SNX29: variants seen among roughly 807,000 people sequenced by gnomAD.
The protein encoded by SNX29 is sorting nexin 29, also known as sorting nexin-29.
In SNX29, 78 loss-of-function variants were observed where a neutral mutation model predicts 102.1. The observed-to-expected ratio is 0.76, with a 90% CI of 0.64 to 0.92. The LOEUF is 0.92. SNX29 is among the 40% of genes least tolerant of loss of function. The pLI, the probability that SNX29 is intolerant of heterozygous loss-of-function variation, is 0.00. For synonymous variants in SNX29, 580 were observed against 414.5 expected (o/e 1.40, Z -4.85); for missense variants, 1,280 against 1,061.7 (o/e 1.21, Z -2.86).
Position 12,516,100 on chromosome 16 carries a change from C to G in SNX29, c.2179-8602C>G, listed in dbSNP as rs140869850. Among the ~76,000 whole-genome samples, 231 of 152,256 alleles carry G rather than the reference C, an allele frequency of 1.5e-3. 1 individual carries two copies. Among genetic ancestry groups the G allele is most frequent in the African/African-American group, 5.2e-3 (216 of 41,542 alleles). ...ATTAACCATAAGTCAGCCGATGGCT[C>G]TCGTCTAATTGCAAGGCATGCTGGG... On this transcript the variant is annotated intron_variant, in intron 19 of 20. Coordinates refer to ENST00000566228, the MANE Select transcript of SNX29 (RefSeq NM_032167.5).
intron 20 of SNX29, among the ~76,000 whole-genome samples, chr16:12,539,519 G>C (rs2141237265): frequency 6.6e-6 from 1 of 152,288 alleles, no homozygotes; most frequent in East Asian, 1.9e-4. Context: ...TCCAGTTGTT[G>C]GCAATTTTGA....
chr16:12,542,625 C>A (rs569220390), intron 20 of SNX29, among the ~76,000 whole-genome samples: 1 of 152,354 alleles, frequency 6.6e-6, no homozygotes, highest in Admixed American at 6.5e-5. Context: ...AGCCACGGCA[C>A]CCAGTGTGGG....
intron 15 of SNX29, among the ~76,000 whole-genome samples, chr16:12,341,215 A>G (rs1349109165): frequency 1.3e-5 from 2 of 152,198 alleles, no homozygotes; most frequent in Non-Finnish European, 2.9e-5. Flanking sequence ...GACAGAATAC[A>G]AGTCTTGTGA....
intron 14 of SNX29, among the ~76,000 whole-genome samples, chr16:12,252,313 CT>C (rs1309103914): frequency 6.6e-6 from 1 of 152,062 alleles, no homozygotes; most frequent in East Asian, 1.9e-4. Context: ...AGCTGGAAAG[CT>C]GGAGTTGCCA....
At chr16:12,196,347 A>G (rs572326870) in intron 13 of SNX29, among the ~76,000 whole-genome samples, 65 of 152,164 alleles carry the variant, frequency 4.3e-4, no homozygotes, top group Non-Finnish European at 8.4e-4. Context: ...TGTAGATAAA[A>G]TGTGAGCATG....
At chr16:12,271,488 G>A (rs2079090916) in intron 14 of SNX29, among the ~76,000 whole-genome samples, 1 of 152,198 alleles carries the variant, frequency 6.6e-6, no homozygotes. Flanking sequence ...TTTATTGGAG[G>A]TGAGTCAATA....
At chr16:12,287,770 C>A (rs1001556220) in intron 15 of SNX29, among the ~76,000 whole-genome samples, 2 of 152,170 alleles carry the variant, frequency 1.3e-5, no homozygotes, top group East Asian at 3.9e-4. Context: ...GGTGATGGAT[C>A]TCTTCAGTGT....
rs112078284 is a variant in SNX29 at position 12,199,574 on chromosome 16, A to AT, written c.1596-20dup. On this transcript the variant is annotated intron_variant, in intron 13 of 20. Transcript: ENST00000566228. ...CCACATTGTCACTTTTTAAATATATATTTTTTTAACATTCTTGTACCTGCA... is the reference window on the plus strand; with the variant it reads ...CCACATTGTCACTTTTTAAATATATATTTTTTTTAACATTCTTGTACCTGCA... The AT allele has an allele frequency of 7.6e-3, 11,999 of 1,582,672 alleles. 712 individuals carry two copies. The African/African-American group carries it at 0.14, about 18-fold the overall frequency.
At chr16:12,407,597 A>G (rs2084217935) in intron 18 of SNX29, among the ~76,000 whole-genome samples, 1 of 152,202 alleles carries the variant, frequency 6.6e-6, no homozygotes, top group East Asian at 1.9e-4. Context: ...AATAATTAGT[A>G]GCCACCTCTC....
At chr16:12,183,895 C>T (rs990131732) in intron 13 of SNX29, among the ~76,000 whole-genome samples, 1 of 152,198 alleles carries the variant, frequency 6.6e-6, no homozygotes, top group African/African-American at 2.4e-5. Flanking sequence ...CCACTAGTGC[C>T]ATGACAGTTT....
chr16:11,976,862 C>G, intron 1 of SNX29, 49 bp downstream of exon 1: 3 of 1,329,504 alleles, frequency 2.3e-6, no homozygotes, highest in Non-Finnish European at 2.9e-6. Context: ...CCCCGGCTCC[C>G]GCCGCTCCAG....
intron 14 of SNX29, among the ~76,000 whole-genome samples, chr16:12,238,357 A>G (rs1288672374): frequency 6.9e-6 from 1 of 145,700 alleles, no homozygotes; most frequent in Non-Finnish European, 1.5e-5. Context: ...GCTGGAGTGT[A>G]CTCTGGGAGG....
chr16:12,394,463 G>C (rs1259496263), intron 16 of SNX29, among the ~76,000 whole-genome samples: 2 of 152,200 alleles, frequency 1.3e-5, no homozygotes, highest in Non-Finnish European at 2.9e-5. Flanking sequence ...GTCTCTGTAT[G>C]TGAAACCACC....
chr16:12,507,097 G>A lies in SNX29; in HGVS notation c.2179-17605G>A, dbSNP rs866431281. 1.3e-5 allele frequency among the ~76,000 whole-genome samples: 2 copies of A among 152,210 alleles called. 1 individual carries two copies. Among genetic ancestry groups the A allele is most frequent in the African/African-American group, 4.8e-5 (2 of 41,450 alleles). ...AAGGTGAGCTAAGTGCTCACTTTGT[G>A]TTGGGCACTGCAACTATTGTTATCA... On this transcript the variant is annotated intron_variant, in intron 19 of 20. Coordinates refer to ENST00000566228, the MANE Select transcript of SNX29 (RefSeq NM_032167.5).
intron 20 of SNX29, among the ~76,000 whole-genome samples, chr16:12,537,181 C>T (rs1400854305): frequency 6.6e-6 from 1 of 152,146 alleles, no homozygotes; most frequent in Non-Finnish European, 1.5e-5. Context: ...AGATGCCATC[C>T]CCCTGGCCAG....
chr16:12,542,878 G>C (rs1248459036), intron 20 of SNX29, among the ~76,000 whole-genome samples: 2 of 152,004 alleles, frequency 1.3e-5, no homozygotes, highest in African/African-American at 2.4e-5. Context: ...TGAGTCTCTA[G>C]AGGTCCCAGA....
rs767745960 is a variant in SNX29 at position 12,165,709 on chromosome 16, C to T, written c.1596-33892C>T. On this transcript the variant is annotated intron_variant, in intron 13 of 20. Transcript: ENST00000566228. ...CCGAGTAGCTGGGATTACAGGCGCA[C>T]GCCGCCACCATGCCTGGCAAATTTT... Among the ~76,000 whole-genome samples, 75 of 152,316 alleles carry T rather than the reference C, an allele frequency of 4.9e-4. 1 individual carries two copies. Among genetic ancestry groups the T allele is most frequent in the African/African-American group, 1.5e-3 (62 of 41,568 alleles).
chr16:12,553,145 C>G (rs1024204874), intron 20 of SNX29, among the ~76,000 whole-genome samples: 12 of 152,214 alleles, frequency 7.9e-5, no homozygotes, highest in African/African-American at 1.7e-4. Context: ...GCTCACAGCT[C>G]TGGGGTCCTT....
At chr16:12,084,879 G>A (rs1462977336) in intron 11 of SNX29, among the ~76,000 whole-genome samples, 1 of 152,090 alleles carries the variant, frequency 6.6e-6, no homozygotes, top group African/African-American at 2.4e-5. Flanking sequence ...GACTAGCCAG[G>A]CCAACATAGT....
Sources: gnomAD v4.1 joint callset for allele counts (sites outside exome capture counted in the v4.1 genomes callset) on GRCh38, gnomAD v4.1.1 for gene constraint, MANE v1.5 for transcripts, NCBI Gene and HGNC (gene_info 2026-07-23, HGNC 2026-07-21) for gene names.